PIK3R3: variants seen among roughly 807,000 people sequenced by gnomAD.
PIK3R3 encodes the protein phosphatidylinositol 3-kinase regulatory subunit gamma.
A neutral mutation model predicts 62.9 loss-of-function variants in PIK3R3; 64 were observed. That is an observed-to-expected ratio of 1.02 (90% confidence interval 0.83 to 1.25). The LOEUF (loss-of-function observed/expected upper bound fraction) is 1.25, where lower values mean the gene tolerates loss of function less well. Among genes scored for constraint, PIK3R3 ranks in the 50% most tolerant of loss-of-function variants. The probability of loss-of-function intolerance (pLI) is 0.00; values close to 1 mark genes in which losing one functional copy is unlikely to be tolerated. For missense variants in PIK3R3, 614 were observed against 561.6 expected (o/e 1.09, Z -0.94); for synonymous variants, 165 against 189.0 (o/e 0.87, Z 1.04).
rs111767644 is a variant in PIK3R3, at chr1:46,127,656, T to C, written c.106+4191A>G. On this transcript the variant is annotated intron_variant, in intron 1 of 9. Coordinates refer to ENST00000262741, the MANE Select transcript of PIK3R3 (RefSeq NM_003629.4). ...AGAATAATCCCAATTCCCGAAGTCA[T>C]AGCAAGACTAACCAAGATGCTTATA... 1.2e-3 allele frequency among the ~76,000 whole-genome samples: 177 copies of C among 152,264 alleles called. 2 individuals carry two copies. The highest frequency in any genetic ancestry group is 4.1e-3 in the African/African-American group (172 of 41,568).
intron 1 of PIK3R3, among the ~76,000 whole-genome samples, chr1:46,100,837 T>C (rs973636698): frequency 1.3e-5 from 2 of 152,170 alleles, no homozygotes; most frequent in African/African-American, 4.8e-5. Flanking sequence ...TGTTCACTGG[T>C]ACCTTTCAAT....
At chr1:46,147,762 TCAGA>T in the PIK3R3 span, among the ~76,000 whole-genome samples, 1 of 152,130 alleles carries the variant, frequency 6.6e-6, no homozygotes. Context: ...CACCTCACTA[TCAGA>T]CAGATTTGTG....
At chr1:46,099,778 G>A (rs1407834525) in intron 1 of PIK3R3, among the ~76,000 whole-genome samples, 1 of 152,060 alleles carries the variant, frequency 6.6e-6, no homozygotes, top group Admixed American at 6.6e-5. Context: ...CACTTTACTA[G>A]ATATTGCTAA....
chr1:46,100,406 T>A (rs1442072935), intron 1 of PIK3R3, among the ~76,000 whole-genome samples: 1 of 152,172 alleles, frequency 6.6e-6, no homozygotes, highest in Non-Finnish European at 1.5e-5. Flanking sequence ...ATCTCCTTAC[T>A]CATCTTCAAT....
In PIK3R3 at chr1:46,087,236, G is replaced by A. The variant is rs1651152208; in HGVS notation, c.107-6486C>T. On this transcript the variant is annotated intron_variant, in intron 1 of 9. Transcript: ENST00000262741. ...CATATGTAACAAAACTGCACGTTGT[G>A]CACATGTACTCTAGAACTTAAAGTA... Among the ~76,000 whole-genome samples the A allele has an allele frequency of 2.6e-5, 4 of 151,892 alleles. No individual in the cohort carries two copies. The South Asian group carries it at 6.2e-4, about 24-fold the overall frequency.
chr1:46,076,944 A>T lies in PIK3R3; in HGVS notation c.314+571T>A, dbSNP rs190613958. Reference sequence around the variant, plus strand: ...AAAAAAATCATAAGGCTTTATTGTAACTGGGCTACTTTAATTATTAAAATT... The same window carrying T: ...AAAAAAATCATAAGGCTTTATTGTATCTGGGCTACTTTAATTATTAAAATT... On this transcript the variant is annotated intron_variant, in intron 3 of 9. Coordinates refer to ENST00000262741, the MANE Select transcript of PIK3R3 (RefSeq NM_003629.4). Among the ~76,000 whole-genome samples the T allele has an allele frequency of 1.5e-3, 230 of 152,316 alleles. 3 individuals carry two copies. Among genetic ancestry groups the T allele is most frequent in the African/African-American group, 5.4e-3 (223 of 41,558 alleles).
intron 7 of PIK3R3, among the ~76,000 whole-genome samples, chr1:46,053,753 C>CT (rs1195763808): frequency 6.6e-6 from 1 of 152,162 alleles, no homozygotes; most frequent in Non-Finnish European, 1.5e-5. Context: ...CCTAAACAGA[C>CT]TAAGACACCA....
At chr1:46,070,116 T>C (rs1256972273) in intron 3 of PIK3R3, among the ~76,000 whole-genome samples, 1 of 152,170 alleles carries the variant, frequency 6.6e-6, no homozygotes, top group African/African-American at 2.4e-5. Flanking sequence ...AGATATAGGG[T>C]CAATTATTTA....
chr1:46,132,482 C>A lies in PIK3R3; in HGVS notation c.-530G>T. The A allele has an allele frequency of 8.3e-7, 1 of 1,203,588 alleles. No individual in the cohort carries two copies. The highest frequency in any genetic ancestry group is 1.1e-6 in the Non-Finnish European group (1 of 947,920). 74.6% of individuals were successfully genotyped at this position (1,203,588 alleles called of 1,614,324 possible). On this transcript the variant is annotated 5_prime_UTR_variant, in exon 1 of 10. Coordinates refer to ENST00000262741, the MANE Select transcript of PIK3R3 (RefSeq NM_003629.4). ...AATCCCCCAGAGGCCGGGACTCGGGCTCCTCTCCGGTCGGTCTCGGAACCG... is the reference window on the plus strand; with the variant it reads ...AATCCCCCAGAGGCCGGGACTCGGGATCCTCTCCGGTCGGTCTCGGAACCG...
chr1:46,146,061 C>T, the PIK3R3 span, among the ~76,000 whole-genome samples: 118 of 152,310 alleles, frequency 7.7e-4, no homozygotes, highest in Admixed American at 1.1e-3. Context: ...GGGCCCAGGG[C>T]AGGAGTCCCT....
At chr1:46,129,886 C>T (rs1655427709) in intron 1 of PIK3R3, among the ~76,000 whole-genome samples, 1 of 152,150 alleles carries the variant, frequency 6.6e-6, no homozygotes, top group African/African-American at 2.4e-5. Flanking sequence ...TTTCAGTATT[C>T]TCAATAGAAT....
At chr1:46,087,833 T>A (rs936879204) in intron 1 of PIK3R3, among the ~76,000 whole-genome samples, 8 of 152,198 alleles carry the variant, frequency 5.3e-5, no homozygotes, top group African/African-American at 1.9e-4. Context: ...GAAAATATTA[T>A]GCTAAGTGAA....
chr1:46,166,570 G>T, the PIK3R3 span, among the ~76,000 whole-genome samples: 1 of 152,092 alleles, frequency 6.6e-6, no homozygotes, highest in Non-Finnish European at 1.5e-5. Context: ...TCTGAAGCTG[G>T]AGCCTCTGGA....
At chr1:46,071,730 T>G (rs867393433) in intron 3 of PIK3R3, among the ~76,000 whole-genome samples, 1,130 of 59,076 alleles carry the variant, frequency 0.019, 108 homozygotes, top group Non-Finnish European at 0.028. Context: ...TATATATATA[T>G]AGAGAGAGAG....
Position 46,043,639 on chromosome 1 carries a change from A to T in PIK3R3, c.*34T>A. On this transcript the variant is annotated 3_prime_UTR_variant, in exon 10 of 10. Transcript: ENST00000262741. ...AGTCTAATAAAAACTGTAGAAAAAA[A>T]TGCCAGAGAACCACCTCTCTTCCCA... 1 of 1,582,686 alleles carries T rather than the reference A, an allele frequency of 6.3e-7. No individual in the cohort carries two copies. The highest frequency in any genetic ancestry group is 8.7e-7 in the Non-Finnish European group (1 of 1,151,872).
intron 3 of PIK3R3, among the ~76,000 whole-genome samples, chr1:46,074,845 ATACCT>A (rs1338477117): frequency 1.3e-5 from 2 of 152,206 alleles, no homozygotes; most frequent in Non-Finnish European, 2.9e-5. Flanking sequence ...TTAACAGCAG[ATACCT>A]TACAAGGCTG....
chr1:46,094,202 A>G (rs1053744369), intron 1 of PIK3R3, among the ~76,000 whole-genome samples: 1 of 152,224 alleles, frequency 6.6e-6, no homozygotes, highest in Admixed American at 6.5e-5. Flanking sequence ...AAAGATATCT[A>G]TTTGTGATAA....
chr1:46,046,229 T>C, intron 8 of PIK3R3, 141 bp from the exon 9 acceptor site: 1 of 609,516 alleles, frequency 1.6e-6, no homozygotes, highest in South Asian at 2.2e-5. Flanking sequence ...CTTCATTACT[T>C]GCTATGGTGC....
chr1:46,117,265 C>T (rs1407541601), intron 1 of PIK3R3, among the ~76,000 whole-genome samples: 2 of 151,832 alleles, frequency 1.3e-5, no homozygotes, highest in Non-Finnish European at 2.9e-5. Context: ...AGACCTCATC[C>T]CTACAAAAAA....
Sources: gnomAD v4.1 joint callset for allele counts (sites outside exome capture counted in the v4.1 genomes callset) on GRCh38, gnomAD v4.1.1 for gene constraint, MANE v1.5 for transcripts, NCBI Gene and HGNC (gene_info 2026-07-23, HGNC 2026-07-21) for gene names.